Variants in CLPB observed in about 807,000 individuals in gnomAD.
The protein encoded by CLPB is ClpB family mitochondrial disaggregase.
In CLPB, 40 loss-of-function variants were observed where a neutral mutation model predicts 78.4. That is an observed-to-expected ratio of 0.51 (90% confidence interval 0.40 to 0.66). CLPB has a LOEUF of 0.66. CLPB is among the 30% of genes least tolerant of loss of function. The pLI, the probability that CLPB is intolerant of heterozygous loss-of-function variation, is 0.00. For synonymous variants in CLPB, 333 were observed against 348.0 expected (o/e 0.96, Z 0.48); for missense variants, 780 against 886.9 (o/e 0.88, Z 1.53).
intron 4 of CLPB, 46 bp downstream of exon 4, chr11:72,380,235 G>A (rs1182659040): frequency 2.1e-6 from 3 of 1,428,242 alleles, no homozygotes; most frequent in Non-Finnish European, 3.0e-6. Context: ...CTGCATGAAA[G>A]CCACAAGAGG....
intron 6 of CLPB, among the ~76,000 whole-genome samples, chr11:72,319,868 C>T (rs930515512): frequency 2.6e-5 from 4 of 152,190 alleles, no homozygotes; most frequent in Non-Finnish European, 5.9e-5. Flanking sequence ...ACTGTCTAAT[C>T]TAGTGCCTTT....
intron 3 of CLPB, among the ~76,000 whole-genome samples, chr11:72,395,230 G>A (rs1406828178): frequency 1.3e-5 from 2 of 152,172 alleles, no homozygotes; most frequent in Non-Finnish European, 2.9e-5. Flanking sequence ...TGAGAACAAG[G>A]AGAGTGGCTT....
chr11:72,316,408 T>C (rs1465786843), intron 7 of CLPB, among the ~76,000 whole-genome samples: 2 of 152,208 alleles, frequency 1.3e-5, no homozygotes, highest in Non-Finnish European at 2.9e-5. Context: ...CTATCTGAAA[T>C]CAAGCCCAAG....
At chr11:72,377,900 G>A (rs1011065843) in intron 4 of CLPB, among the ~76,000 whole-genome samples, 3 of 152,184 alleles carry the variant, frequency 2.0e-5, no homozygotes, top group African/African-American at 7.2e-5. Flanking sequence ...GGCTGCTTCT[G>A]TATCACAATG....
rs1009655113 is a variant in CLPB at position 72,377,078 on chromosome 11, G to A, written c.646+3203C>T. Among the ~76,000 whole-genome samples, 3 of 152,240 alleles carry A rather than the reference G, an allele frequency of 2.0e-5. 1 individual carries two copies. The highest frequency in any genetic ancestry group is 1.3e-4 in the Admixed American group (2 of 15,296). Reference sequence around the variant, plus strand: ...AACCTGATTTCCTTTTTTGGAAAGCGTTATTAGACAGGAAAATACGACAAA... The same window carrying A: ...AACCTGATTTCCTTTTTTGGAAAGCATTATTAGACAGGAAAATACGACAAA... On this transcript the variant is annotated intron_variant, in intron 4 of 15. Transcript: ENST00000538039.
At chr11:72,361,617 C>T (rs910235808) in intron 4 of CLPB, among the ~76,000 whole-genome samples, 5 of 152,162 alleles carry the variant, frequency 3.3e-5, no homozygotes, top group African/African-American at 1.2e-4. Flanking sequence ...GAGTACAGCA[C>T]CTCAAAAGCC....
chr11:72,297,576 C>T (rs1276890707), intron 11 of CLPB, among the ~76,000 whole-genome samples: 2 of 151,636 alleles, frequency 1.3e-5, no homozygotes, highest in African/African-American at 4.8e-5. Context: ...ACTCTTACCC[C>T]ACTGCTTATG....
chr11:72,431,215 CA>C (rs1856536834), intron 1 of CLPB, among the ~76,000 whole-genome samples: 1 of 152,210 alleles, frequency 6.6e-6, no homozygotes, highest in East Asian at 1.9e-4. Flanking sequence ...CAAAAGTCAA[CA>C]GGAGAGGCAC....
At chr11:72,412,969 TCA>T (rs573851181) in intron 2 of CLPB, among the ~76,000 whole-genome samples, 9 of 150,318 alleles carry the variant, frequency 6.0e-5, no homozygotes, top group Admixed American at 6.6e-5. Context: ...GTTACAAAAA[TCA>T]CACACACACA....
chr11:72,410,962 G>GA (rs958876011), intron 2 of CLPB: 14 of 147,978 alleles, frequency 9.5e-5, no homozygotes, highest in African/African-American at 1.5e-4. Context: ...ACTTTCTTAG[G>GA]AAAAAAAAAA....
At chr11:72,307,687 G>A (rs1268562284) in intron 8 of CLPB, among the ~76,000 whole-genome samples, 1 of 152,332 alleles carries the variant, frequency 6.6e-6, no homozygotes, top group South Asian at 2.1e-4. Flanking sequence ...GAGGGTGGGA[G>A]GGGCTGAAGA....
chr11:72,387,772 T>C lies in CLPB; in HGVS notation c.543-7388A>G, dbSNP rs190457383. On this transcript the variant is annotated intron_variant, in intron 3 of 15. Coordinates refer to ENST00000538039, the MANE Select transcript of CLPB (RefSeq NM_001258392.3). ...GCACCAGATCTATACCTGACCACCC[T>C]AGCACTCATGCTGGAATAGTCCTGC... Among the ~76,000 whole-genome samples, 13 of 152,284 alleles carry C rather than the reference T, an allele frequency of 8.5e-5. No individual in the cohort carries two copies. The East Asian group carries it at 2.5e-3, about 29-fold the overall frequency.
At chr11:72,308,658 G>C in intron 7 of CLPB, 54 bp from the exon 8 acceptor site, 2 of 1,460,830 alleles carry the variant, frequency 1.4e-6, no homozygotes, top group Non-Finnish European at 1.9e-6. Context: ...ATAAATCAAT[G>C]ACACAAAAGG....
At chr11:72,373,494 G>A (rs1013426117) in intron 4 of CLPB, among the ~76,000 whole-genome samples, 12 of 152,224 alleles carry the variant, frequency 7.9e-5, no homozygotes, top group African/African-American at 2.7e-4. Flanking sequence ...ATGGAATGTG[G>A]TTGAGATCAG....
At chr11:72,335,929 C>A (rs1272233804) in intron 5 of CLPB, among the ~76,000 whole-genome samples, 2 of 152,160 alleles carry the variant, frequency 1.3e-5, no homozygotes, top group African/African-American at 4.8e-5. Flanking sequence ...TCCCCAGTTT[C>A]TTTGCTGGTC....
Position 72,434,528 on chromosome 11 carries a change from C to G in CLPB, c.-54G>C, listed in dbSNP as rs1271367474. 10 of 1,506,452 alleles carry G rather than the reference C, an allele frequency of 6.6e-6. No individual in the cohort carries two copies. Among genetic ancestry groups the G allele is most frequent in the Non-Finnish European group, 8.9e-6 (10 of 1,127,932 alleles). 93.3% of individuals were successfully genotyped at this position (1,506,452 alleles called of 1,614,324 possible). A position where few individuals can be genotyped will look rare whatever the true frequency, so the allele number is the denominator to read the frequency against. On this transcript the variant is annotated 5_prime_UTR_variant, in exon 1 of 16. Coordinates refer to ENST00000538039, the MANE Select transcript of CLPB (RefSeq NM_001258392.3). The stretch of plus-strand genomic sequence containing the variant: ...TGCCGGCCCCTGTGCTGACCACGTC[C>G]AACATGGCTGCCGCGGCGCGTTCGA...
rs760773250 is a variant in CLPB at position 72,293,584 on chromosome 11, G to A, written c.1817C>T (p.Ala606Val). 4.3e-6 allele frequency: 7 copies of A among 1,613,816 alleles called. No homozygotes were observed. The East Asian group carries it at 1.3e-4, about 31-fold the overall frequency. The change falls in exon 16 of 16, where the codon GCA becomes GTA. Residue 606 changes from alanine to valine, a missense_variant. Ala to Val is a moderately conservative substitution (Grantham distance 64, BLOSUM62 0). Coordinates refer to ENST00000538039, the MANE Select transcript of CLPB (RefSeq NM_001258392.3). ...VERRVVNQLAAAYEQDLLPGG... is the reference protein window; with the variant it reads ...VERRVVNQLAVAYEQDLLPGG... ...TGGCAGCAGGTCCTGCTCATAGGCT[G>A]CTGCCAGCTGGTTCACCACACGGCG...
chr11:72,348,656 T>C (rs1331897316), intron 5 of CLPB, among the ~76,000 whole-genome samples: 2 of 152,210 alleles, frequency 1.3e-5, no homozygotes, highest in African/African-American at 4.8e-5. Context: ...ATTCTGGCCC[T>C]TGCTTATGTT....
chr11:72,430,605 G>C lies in CLPB; in HGVS notation c.404-242C>G, dbSNP rs149618023. On this transcript the variant is annotated intron_variant, in intron 1 of 15. Transcript: ENST00000538039. Reference sequence around the variant, plus strand: ...AACTCTTCACTCCTCTCATCATAGAGGGAATGCAGGTCAACTGCTAGCACC... The same window carrying C: ...AACTCTTCACTCCTCTCATCATAGACGGAATGCAGGTCAACTGCTAGCACC... 1,174 of 514,172 alleles carry C rather than the reference G, an allele frequency of 2.3e-3. 17 individuals carry two copies. Among genetic ancestry groups the C allele is most frequent in the African/African-American group, 0.021 (1,080 of 51,602 alleles). 31.9% of individuals were successfully genotyped at this position (514,172 alleles called of 1,614,324 possible). A position where few individuals can be genotyped will look rare whatever the true frequency, so the allele number is the denominator to read the frequency against.
Sources: allele counts gnomAD v4.1 joint callset (sites outside exome capture counted in the v4.1 genomes callset), GRCh38; gene constraint gnomAD v4.1.1; transcripts MANE v1.5; gene names NCBI Gene and HGNC (gene_info 2026-07-23, HGNC 2026-07-21).